Variants in SSU72 observed in about 807,000 individuals in gnomAD.
The protein encoded by SSU72 is SSU72 homolog, RNA polymerase II CTD phosphatase.
Under a neutral mutation model 22.7 loss-of-function variants are expected in SSU72, and 12 were observed. The ratio of observed to expected loss-of-function variants is 0.53; its 90% CI spans 0.34 to 0.86. The LOEUF is 0.86. Among genes scored for constraint, SSU72 ranks in the 40% least tolerant of loss-of-function variants. The pLI is 0.02. For synonymous variants in SSU72, 116 were observed against 98.3 expected, an observed-to-expected ratio of 1.18 and a Z score of -1.06; for missense variants, 151 against 249.8, an observed-to-expected ratio of 0.60 and a Z score of 2.67.
At chr1:1,550,890 G>A (rs1004626577) in intron 2 of SSU72, among the ~76,000 whole-genome samples, 5 of 152,142 alleles carry the variant, frequency 3.3e-5, no homozygotes, top group Admixed American at 3.3e-4. Context: ...CCTGGGAGGT[G>A]CACAGACCCT....
chr1:1,572,679 A>C (rs945387507), intron 1 of SSU72, among the ~76,000 whole-genome samples: 1 of 151,046 alleles, frequency 6.6e-6, no homozygotes, highest in Non-Finnish European at 1.5e-5. Flanking sequence ...GGATAGTCTC[A>C]ATCTCCTGAC....
At chr1:1,558,268 G>A (rs545582973) in intron 2 of SSU72, among the ~76,000 whole-genome samples, 1 of 152,044 alleles carries the variant, frequency 6.6e-6, no homozygotes, top group African/African-American at 2.4e-5. Context: ...GGAGGGTGAC[G>A]TGGCAGGATC....
At position 1,542,215 on chromosome 1, in the gene SSU72, T is replaced by C. The variant is rs1332278300; in HGVS notation, c.484-48A>G. ...AGGGCCTTGCCCACTCCTGCCTGTCTGCTCCCCCTAACACCTGGATCGCCA... is the reference window on the plus strand; with the variant it reads ...AGGGCCTTGCCCACTCCTGCCTGTCCGCTCCCCCTAACACCTGGATCGCCA... On this transcript the variant is annotated intron_variant, in intron 4 of 4. Transcript: ENST00000291386. This position sits in a 1 kb window ranked among gnomAD's most constrained non-coding sequence, Gnocchi z 4.4. 1 of 1,529,532 alleles carries C rather than the reference T, an allele frequency of 6.5e-7. No individual in the cohort carries two copies. The highest frequency in any genetic ancestry group is 8.9e-7 in the Non-Finnish European group (1 of 1,126,562). 94.7% of individuals were successfully genotyped at this position (1,529,532 alleles called of 1,614,324 possible).
In SSU72 at chr1:1,546,866, A is replaced by C. The variant is rs7413900; in HGVS notation, c.225-1864T>G. Among the ~76,000 whole-genome samples, 439 of 110,600 alleles carry C rather than the reference A, an allele frequency of 4.0e-3. 3 individuals are homozygous for C. Among genetic ancestry groups the C allele is most frequent in the Middle Eastern group, 0.013 (3 of 230 alleles). The allele number at this position is 110,600 out of a possible 152,430, so 72.6% of individuals were successfully genotyped here. ...TGGAAAACAACAACAACAACAAAAAAAAAAAAAAAAAAAAAAAAGGCCGGG... is the reference window on the plus strand; with the variant it reads ...TGGAAAACAACAACAACAACAAAAACAAAAAAAAAAAAAAAAAAGGCCGGG... On this transcript the variant is annotated intron_variant, in intron 2 of 4. Transcript: ENST00000291386.
chr1:1,566,099 TAAAAAA>T (rs201655463), intron 1 of SSU72, among the ~76,000 whole-genome samples: 7,725 of 140,152 alleles, frequency 0.055, 523 homozygotes, highest in East Asian at 0.28. Flanking sequence ...CCGTTTCTAC[TAAAAAA>T]AAAAAAAAAA....
intron 4 of SSU72, among the ~76,000 whole-genome samples, chr1:1,543,418 A>G (rs1642349124): frequency 1.3e-5 from 2 of 152,176 alleles, no homozygotes; most frequent in African/African-American, 4.8e-5. Context: ...GAGAGGGACT[A>G]AGCCTGTGTT....
chr1:1,570,294 CA>C (rs34871297), intron 1 of SSU72, among the ~76,000 whole-genome samples: 75,540 of 143,338 alleles, frequency 0.53, 23,629 homozygotes, highest in East Asian at 0.86. Flanking sequence ...AAAAAAAAAA[CA>C]AAAAAAAAAG....
intron 2 of SSU72, among the ~76,000 whole-genome samples, chr1:1,556,321 T>C (rs973540176): frequency 1.3e-5 from 2 of 152,180 alleles, no homozygotes; most frequent in Admixed American, 1.3e-4. Flanking sequence ...TAGTCCCAGC[T>C]ACTTGGGAAG....
rs576894667 is a variant in SSU72 at position 1,541,969 on chromosome 1, G to A, written c.*97C>T. On this transcript the variant is annotated 3_prime_UTR_variant, in exon 5 of 5. Transcript: ENST00000291386. ...CACAGTTTATTTGGGTAATGCTACCGTCACCAGCAGAACACCTGTAAGTAA... is the reference window on the plus strand; with the variant it reads ...CACAGTTTATTTGGGTAATGCTACCATCACCAGCAGAACACCTGTAAGTAA... The A allele has an allele frequency of 7.6e-5, 90 of 1,177,554 alleles. 1 individual carries two copies. In the South Asian group the frequency reaches 7.9e-4, roughly 10 times the overall value. 72.9% of individuals were successfully genotyped at this position (1,177,554 alleles called of 1,614,324 possible).
chr1:1,574,042 A>T (rs1036472252), intron 1 of SSU72, among the ~76,000 whole-genome samples: 115 of 135,752 alleles, frequency 8.5e-4, no homozygotes, highest in East Asian at 2.2e-3. Flanking sequence ...AAAGAAGAAG[A>T]AGTAGCAAAC....
At position 1,542,182 on chromosome 1, in the gene SSU72, C is replaced by A; in HGVS notation, c.484-15G>T. 6.4e-7 allele frequency: 1 copy of A among 1,570,116 alleles called. No individual in the cohort carries two copies. The highest frequency in any genetic ancestry group is 2.3e-5 in the East Asian group (1 of 42,852). ...GTGTGCTGGATCTGCAAGGACAGGA[C>A]CGTGGTGAGGGCCTTGCCCACTCCT... On this transcript the variant is annotated splice_polypyrimidine_tract_variant and intron_variant, in intron 4 of 4. Coordinates refer to ENST00000291386, the MANE Select transcript of SSU72 (RefSeq NM_014188.3). The surrounding 1 kb of genome is among the most constrained non-coding windows in gnomAD (Gnocchi z 4.4).
chr1:1,569,782 G>A (rs1199062845), intron 1 of SSU72, among the ~76,000 whole-genome samples: 1 of 152,168 alleles, frequency 6.6e-6, no homozygotes, highest in Non-Finnish European at 1.5e-5. Flanking sequence ...ACTATAGGCC[G>A]AAGAGCCACC....
rs755938671 is a variant in SSU72 at position 1,564,932 on chromosome 1, A to C, written c.81-16T>G. Reference sequence around the variant, plus strand: ...TCCCCGTTTGCTGAAAGACAAAAGGAGAGAAAGAATCACAGTCACACTAAG... The same window carrying C: ...TCCCCGTTTGCTGAAAGACAAAAGGCGAGAAAGAATCACAGTCACACTAAG... On this transcript the variant is annotated splice_polypyrimidine_tract_variant and intron_variant, in intron 1 of 4. Coordinates refer to ENST00000291386, the MANE Select transcript of SSU72 (RefSeq NM_014188.3). The C allele has an allele frequency of 6.3e-7, 1 of 1,579,634 alleles. No homozygotes were observed. Among genetic ancestry groups the C allele is most frequent in the African/African-American group, 1.4e-5 (1 of 73,632 alleles).
At position 1,554,029 on chromosome 1, in the gene SSU72, G is replaced by A. The variant is rs1024295518; in HGVS notation, c.225-9027C>T. Reference sequence around the variant, plus strand: ...TGAGAACTCAGCAGGTCCGGGGGACGTCAGGTGGCCACGGAGACCACGTGT... The same window carrying A: ...TGAGAACTCAGCAGGTCCGGGGGACATCAGGTGGCCACGGAGACCACGTGT... On this transcript the variant is annotated intron_variant, in intron 2 of 4. Coordinates refer to ENST00000291386, the MANE Select transcript of SSU72 (RefSeq NM_014188.3). The surrounding 1 kb of genome is among the most constrained non-coding windows in gnomAD (Gnocchi z 4.1). Among the ~76,000 whole-genome samples, 5 of 152,204 alleles carry A rather than the reference G, an allele frequency of 3.3e-5. No homozygotes were observed. Among genetic ancestry groups the A allele is most frequent in the South Asian group, 4.1e-4 (2 of 4,836 alleles).
chr1:1,548,197 G>A (rs1187959105), intron 2 of SSU72, among the ~76,000 whole-genome samples: 5 of 152,158 alleles, frequency 3.3e-5, no homozygotes, highest in East Asian at 1.9e-4. Context: ...AGTAGAGGGC[G>A]GCCAACACCC....
At chr1:1,545,061 C>A (rs1308861519) in intron 2 of SSU72, 59 bp from the exon 3 acceptor site, 2 of 1,573,804 alleles carry the variant, frequency 1.3e-6, no homozygotes, top group Non-Finnish European at 1.7e-6. Flanking sequence ...AGCCTGGAAG[C>A]GCCTGTGTCC....
chr1:1,552,743 G>A (rs1035335844), intron 2 of SSU72, among the ~76,000 whole-genome samples: 6 of 152,150 alleles, frequency 3.9e-5, no homozygotes, highest in African/African-American at 1.4e-4. Flanking sequence ...TGGACTGGCC[G>A]GGCGCGGTGC....
At chr1:1,573,920 A>T (rs1642771262) in intron 1 of SSU72, among the ~76,000 whole-genome samples, 1 of 152,050 alleles carries the variant, frequency 6.6e-6, no homozygotes, top group Non-Finnish European at 1.5e-5. Flanking sequence ...ACAGGCGGCC[A>T]GTTAGCAGGG....
intron 1 of SSU72, among the ~76,000 whole-genome samples, chr1:1,565,478 G>A (rs1383757422): frequency 6.6e-6 from 1 of 152,228 alleles, no homozygotes; most frequent in African/African-American, 2.4e-5. Context: ...GTGGACTTGG[G>A]GAAGATTTCA....
Sources: gnomAD v4.1 joint callset for allele counts (sites outside exome capture counted in the v4.1 genomes callset) on GRCh38, gnomAD v4.1.1 for gene constraint, Gnocchi (gnomAD v3.1) non-coding constraint, MANE v1.5 for transcripts, NCBI Gene and HGNC (gene_info 2026-07-23, HGNC 2026-07-21) for gene names.